Variants in ADIPOR2 observed in about 807,000 individuals in gnomAD.
The protein encoded by ADIPOR2 is adiponectin receptor 2, also known as adiponectin receptor protein 2.
A neutral mutation model predicts 40.9 loss-of-function variants in ADIPOR2; 18 were observed. The ratio of observed to expected loss-of-function variants is 0.44; its 90% CI spans 0.30 to 0.65. The LOEUF (loss-of-function observed/expected upper bound fraction) is 0.65. ADIPOR2 is among the 30% of genes least tolerant of loss of function. ADIPOR2 has a pLI of 0.09. For synonymous variants in ADIPOR2, 165 were observed against 166.4 expected (o/e 0.99, Z 0.06); for missense variants, 283 against 479.2 (o/e 0.59, Z 3.82).
At chr12:1,785,372 C>G (rs1255305375) in intron 7 of ADIPOR2, among the ~76,000 whole-genome samples, 2 of 152,178 alleles carry the variant, frequency 1.3e-5, no homozygotes, top group African/African-American at 4.8e-5. Context: ...TTATGTAGTT[C>G]ATGAAATTTG....
At chr12:1,782,471 A>C (rs1410223332) in intron 6 of ADIPOR2, among the ~76,000 whole-genome samples, 1 of 152,172 alleles carries the variant, frequency 6.6e-6, no homozygotes, top group Non-Finnish European at 1.5e-5. Context: ...GCTTTGGCTG[A>C]TACACGGGTT....
At chr12:1,741,564 T>C (rs200571795) in intron 1 of ADIPOR2, among the ~76,000 whole-genome samples, 1 of 151,836 alleles carries the variant, frequency 6.6e-6, no homozygotes, top group Non-Finnish European at 1.5e-5. Context: ...GAATATAATT[T>C]GGAAAGGAAA....
intron 1 of ADIPOR2, among the ~76,000 whole-genome samples, chr12:1,706,493 T>G (rs16928662): frequency 0.045 from 6,822 of 152,276 alleles, 250 homozygotes; most frequent in East Asian, 0.18. Context: ...GAGGCTACTA[T>G]TACTTGGCTA....
At chr12:1,776,690 G>C (rs1862602966) in intron 3 of ADIPOR2, among the ~76,000 whole-genome samples, 1 of 152,122 alleles carries the variant, frequency 6.6e-6, no homozygotes, top group Non-Finnish European at 1.5e-5. Flanking sequence ...GGGACCATGA[G>C]GAAACGGGAG....
chr12:1,766,216 A>G (rs1223063396), intron 2 of ADIPOR2, among the ~76,000 whole-genome samples: 5 of 152,144 alleles, frequency 3.3e-5, no homozygotes, highest in African/African-American at 1.2e-4. Context: ...TTTTAGACAA[A>G]GGGAACAGCA....
intron 2 of ADIPOR2, among the ~76,000 whole-genome samples, chr12:1,760,135 ATATT>A (rs1048501976): frequency 6.6e-6 from 1 of 151,988 alleles, no homozygotes; most frequent in Non-Finnish European, 1.5e-5. Context: ...ATTTTTTTTG[ATATT>A]TATTTATTTT....
chr12:1,743,545 C>T (rs1394462321), intron 1 of ADIPOR2, among the ~76,000 whole-genome samples: 1 of 151,854 alleles, frequency 6.6e-6, no homozygotes, highest in Non-Finnish European at 1.5e-5. Context: ...TGGGCACACG[C>T]CTGTAGTCTA....
At chr12:1,738,625 A>T (rs1362421798) in intron 1 of ADIPOR2, among the ~76,000 whole-genome samples, 1 of 152,122 alleles carries the variant, frequency 6.6e-6, no homozygotes, top group Non-Finnish European at 1.5e-5. Context: ...TCTTATCTTG[A>T]ATTGCTAGTG....
chr12:1,768,186 A>G (rs1390773902), intron 2 of ADIPOR2, among the ~76,000 whole-genome samples: 2 of 152,120 alleles, frequency 1.3e-5, no homozygotes, highest in African/African-American at 4.8e-5. Context: ...TTTTCATCTA[A>G]TTGTGGATGG....
chr12:1,695,011 G>GTTTTTTTTTT (rs199627849), intron 1 of ADIPOR2, among the ~76,000 whole-genome samples: 90 of 128,236 alleles, frequency 7.0e-4, no homozygotes, highest in Non-Finnish European at 1.2e-3. Context: ...TTGTGTTGCA[G>GTTTTTTTTTT]TTTTTTTTTT....
At chr12:1,723,218 A>G (rs1363751163) in intron 1 of ADIPOR2, among the ~76,000 whole-genome samples, 1 of 152,198 alleles carries the variant, frequency 6.6e-6, no homozygotes, top group Admixed American at 6.5e-5. Context: ...TGAATCGAAC[A>G]TGGATCATGT....
intron 5 of ADIPOR2, 52 bp downstream of exon 5, chr12:1,780,689 T>A: frequency 6.8e-7 from 1 of 1,466,814 alleles, no homozygotes; most frequent in Non-Finnish European, 9.1e-7. Flanking sequence ...GGTAGTGCGT[T>A]AGGGAAAAAC....
intron 4 of ADIPOR2, 62 bp from the exon 5 acceptor site, chr12:1,780,389 G>GT: frequency 6.9e-7 from 1 of 1,439,358 alleles, no homozygotes; most frequent in Non-Finnish European, 9.3e-7. Context: ...AACAGAATCA[G>GT]TTATAATACT....
intron 1 of ADIPOR2, among the ~76,000 whole-genome samples, chr12:1,707,699 TG>T (rs1366837142): frequency 6.6e-6 from 1 of 151,492 alleles, no homozygotes; most frequent in Non-Finnish European, 1.5e-5. Flanking sequence ...TCTTTAAATC[TG>T]GGGCTCAAGT....
rs115603985 is a variant in ADIPOR2, at chr12:1,761,481, C to A, written c.171+6967C>A. On this transcript the variant is annotated intron_variant, in intron 2 of 7. Coordinates refer to ENST00000357103, the MANE Select transcript of ADIPOR2 (RefSeq NM_024551.3). ...CTGCACCAGTTTATATTCCCACCAACAATGTGTGGGGGTTCCACTTTCTCC... is the reference window on the plus strand; with the variant it reads ...CTGCACCAGTTTATATTCCCACCAAAAATGTGTGGGGGTTCCACTTTCTCC... 6.1e-3 allele frequency among the ~76,000 whole-genome samples: 932 copies of A among 152,266 alleles called. 9 individuals carry two copies. Among genetic ancestry groups the A allele is most frequent in the African/African-American group, 0.021 (886 of 41,544 alleles).
intron 2 of ADIPOR2, among the ~76,000 whole-genome samples, chr12:1,770,237 T>G (rs1022140999): frequency 6.6e-6 from 1 of 152,244 alleles, no homozygotes; most frequent in Non-Finnish European, 1.5e-5. Flanking sequence ...AATTACTGAT[T>G]GTGAGTAATC....
At chr12:1,747,276 A>G (rs1016750749) in intron 1 of ADIPOR2, among the ~76,000 whole-genome samples, 16 of 152,210 alleles carry the variant, frequency 1.1e-4, no homozygotes, top group African/African-American at 3.4e-4. Flanking sequence ...TCTAATCACA[A>G]TGGAATGAAA....
In ADIPOR2 at chr12:1,772,788, G is replaced by A. The variant is rs1015194495; in HGVS notation, c.172-54G>A. ...ATTCCACAAGGGAAATGTATTGATT[G>A]TGTCATTTGGCTCCCAGTCTCTGTC... is the stretch of plus-strand genomic sequence containing the variant. On this transcript the variant is annotated intron_variant, in intron 2 of 7. Coordinates refer to ENST00000357103, the MANE Select transcript of ADIPOR2 (RefSeq NM_024551.3). 5 of 1,550,824 alleles carry A rather than the reference G, an allele frequency of 3.2e-6. No individual in the cohort carries two copies. The Admixed American group carries it at 7.6e-5, about 24-fold the overall frequency.
intron 3 of ADIPOR2, among the ~76,000 whole-genome samples, chr12:1,775,115 C>T (rs1457496728): frequency 2.0e-5 from 3 of 152,226 alleles, no homozygotes; most frequent in Non-Finnish European, 4.4e-5. Flanking sequence ...GGATTACAGG[C>T]GTGAGCCACT....
Sources: gnomAD v4.1 joint callset for allele counts (sites outside exome capture counted in the v4.1 genomes callset) on GRCh38, gnomAD v4.1.1 for gene constraint, MANE v1.5 for transcripts, NCBI Gene and HGNC (gene_info 2026-07-23, HGNC 2026-07-21) for gene names.